The following RNF157 variants were observed in gnomAD, a reference collection of about 807,000 sequenced individuals.
The protein encoded by RNF157 is ring finger protein 157.
In RNF157, 55 loss-of-function variants were observed where a neutral mutation model predicts 88.3. The observed-to-expected ratio is 0.62, with a 90% confidence interval of 0.50 to 0.78. The LOEUF (loss-of-function observed/expected upper bound fraction) is 0.78. Among genes scored for constraint, RNF157 ranks in the 30% least tolerant of loss-of-function variants. RNF157 has a pLI of 0.00. For synonymous variants in RNF157, 334 were observed against 341.2 expected (o/e 0.98, Z 0.23); for missense variants, 788 against 860.8 (o/e 0.92, Z 1.06).
intron 2 of RNF157, among the ~76,000 whole-genome samples, chr17:76,210,807 CCTTT>C (rs904349606): frequency 2.0e-5 from 3 of 151,768 alleles, no homozygotes; most frequent in African/African-American, 7.3e-5. Context: ...CCGCCACCTA[CCTTT>C]CTCTTTTTTT....
At chr17:76,152,158 G>C (rs1170753641) in intron 18 of RNF157, among the ~76,000 whole-genome samples, 197 bp downstream of exon 18, 1 of 152,164 alleles carries the variant, frequency 6.6e-6, no homozygotes, top group Non-Finnish European at 1.5e-5. Context: ...TCAGAGCAAG[G>C]CTGGCTCATT....
intron 2 of RNF157, among the ~76,000 whole-genome samples, chr17:76,211,334 GCACCTCTTCC>G (rs1354513285): frequency 1.3e-5 from 2 of 152,216 alleles, no homozygotes; most frequent in Non-Finnish European, 2.9e-5. Context: ...TCAACTCCCT[GCACCTCTTCC>G]CAGTGTAACA....
At chr17:76,173,811 G>T in intron 2 of RNF157, 21 bp from the exon 3 acceptor site, 1 of 1,459,772 alleles carries the variant, frequency 6.9e-7, no homozygotes, top group Non-Finnish European at 9.3e-7. Flanking sequence ...AACAAAGCAG[G>T]AGAAGGTGGT....
chr17:76,169,968 T>G (rs9891273), intron 3 of RNF157, among the ~76,000 whole-genome samples: 28,952 of 152,170 alleles, frequency 0.19, 2,780 homozygotes, highest in Middle Eastern at 0.26. Context: ...TCTGTGGCTG[T>G]CTGCTTGTAT....
intron 3 of RNF157, among the ~76,000 whole-genome samples, chr17:76,172,838 G>A (rs1289652453): frequency 6.6e-6 from 1 of 151,920 alleles, no homozygotes; most frequent in African/African-American, 2.4e-5. Flanking sequence ...TAGGGGTGGC[G>A]GGCAGTGGGA....
chr17:76,149,045 TCTC>T (rs1269806412), intron 18 of RNF157, among the ~76,000 whole-genome samples: 2 of 152,084 alleles, frequency 1.3e-5, no homozygotes, highest in African/African-American at 4.8e-5. Flanking sequence ...TCAACTGAGA[TCTC>T]CTTCCTTTAT....
intron 2 of RNF157, chr17:76,175,753 T>C: frequency 1.0e-6 from 1 of 985,126 alleles, no homozygotes; most frequent in Non-Finnish European, 1.2e-6. Flanking sequence ...CCTACCTGCA[T>C]TTCAAAAAAA....
intron 12 of RNF157, 105 bp downstream of exon 12, chr17:76,159,230 G>A (rs1336955541): frequency 4.1e-6 from 4 of 963,956 alleles, no homozygotes; most frequent in Non-Finnish European, 6.6e-6. Context: ...ACAGCCCAGA[G>A]GGTTACTCTG....
intron 16 of RNF157, among the ~76,000 whole-genome samples, 178 bp downstream of exon 16, chr17:76,155,074 C>T (rs1568024215): frequency 6.6e-6 from 1 of 152,236 alleles, no homozygotes; most frequent in Non-Finnish European, 1.5e-5. Flanking sequence ...AGTCCACAGG[C>T]CCGGGAGCAG....
chr17:76,145,279 C>T lies in RNF157; in HGVS notation c.1996G>A (p.Asp666Asn). ...RRRLSSSSLE[D>N]SETRPCVWGP... ...CACACACAGGGCCTCGTCTCAGAGTCCTCCAGGCTGCTGGATGACAAGCGC... is the reference window on the plus strand; with the variant it reads ...CACACACAGGGCCTCGTCTCAGAGTTCTCCAGGCTGCTGGATGACAAGCGC... The change falls in exon 19 of 19, where the codon GAC (aspartate) becomes AAC (asparagine). Residue 666 changes from aspartate to asparagine, a missense_variant. Coordinates refer to ENST00000269391, the MANE Select transcript of RNF157 (RefSeq NM_052916.3). 1 of 1,609,622 alleles carries T rather than the reference C, an allele frequency of 6.2e-7. No homozygotes were observed. The highest frequency in any genetic ancestry group is 8.5e-7 in the Non-Finnish European group (1 of 1,178,420).
intron 1 of RNF157, chr17:76,226,408 C>T (rs1277906696): frequency 6.3e-6 from 10 of 1,595,962 alleles, no homozygotes; most frequent in Admixed American, 3.3e-5. Flanking sequence ...TCTGGGGGGG[C>T]ACCTTATTAG....
At chr17:76,155,413 G>A (rs1312843070) in intron 15 of RNF157, 96 bp from the exon 16 acceptor site, 11 of 1,457,340 alleles carry the variant, frequency 7.5e-6, no homozygotes, top group African/African-American at 7.0e-5. Flanking sequence ...CAAATAGGAG[G>A]GTCAGACCTA....
chr17:76,190,889 C>G (rs2069374497), intron 2 of RNF157, among the ~76,000 whole-genome samples: 1 of 150,030 alleles, frequency 6.7e-6, no homozygotes, highest in South Asian at 2.1e-4. Flanking sequence ...GCCTGGGCGA[C>G]AGGGCGAGAC....
In RNF157 at chr17:76,229,746, G is replaced by A. The variant is rs146984404; in HGVS notation, c.88+10407C>T. 5.7e-3 allele frequency among the ~76,000 whole-genome samples: 864 copies of A among 152,326 alleles called. 13 individuals are homozygous for A. The highest frequency in any genetic ancestry group is 0.02 in the African/African-American group (830 of 41,568). ...CTTAATGAGCTACTTAGAATGGAGA[G>A]TGGCACACTAAGGGTACGTATGGGT... On this transcript the variant is annotated intron_variant, in intron 1 of 18. Coordinates refer to ENST00000269391, the MANE Select transcript of RNF157 (RefSeq NM_052916.3).
intron 2 of RNF157, among the ~76,000 whole-genome samples, chr17:76,207,697 G>A (rs2069705252): frequency 6.6e-6 from 1 of 152,158 alleles, no homozygotes; most frequent in South Asian, 2.1e-4. Context: ...TTGCTCCCCT[G>A]TAACCTAACA....
chr17:76,227,522 A>G (rs979335283), intron 1 of RNF157, among the ~76,000 whole-genome samples: 8 of 152,014 alleles, frequency 5.3e-5, no homozygotes, highest in African/African-American at 1.9e-4. Flanking sequence ...TTTTCTTTTC[A>G]TTTTATAGAA....
At chr17:76,227,125 T>G (rs2070105858) in intron 1 of RNF157, among the ~76,000 whole-genome samples, 4 of 151,466 alleles carry the variant, frequency 2.6e-5, no homozygotes, top group South Asian at 4.2e-4. Flanking sequence ...TTGTTTTTTT[T>G]TTTTTTTGAG....
At chr17:76,230,630 G>A (rs2070170031) in intron 1 of RNF157, among the ~76,000 whole-genome samples, 1 of 151,910 alleles carries the variant, frequency 6.6e-6, no homozygotes, top group South Asian at 2.1e-4. Flanking sequence ...ACGAGGTCAG[G>A]AGTTTGAGAC....
chr17:76,166,452 C>T lies in RNF157; in HGVS notation c.628+9G>A, dbSNP rs1214046121. 11 of 1,612,276 alleles carry T rather than the reference C, an allele frequency of 6.8e-6. No homozygotes were observed. Among genetic ancestry groups the T allele is most frequent in the Non-Finnish European group, 8.5e-6 (10 of 1,178,370 alleles). On this transcript the variant is annotated intron_variant, in intron 6 of 18. Coordinates refer to ENST00000269391, the MANE Select transcript of RNF157 (RefSeq NM_052916.3). ...GTGCACAGCCAAAGAGGACAGAAAT[C>T]GCCCCTACCGTCTCCTTCATCCACC...
Sources: allele counts gnomAD v4.1 joint callset (sites outside exome capture counted in the v4.1 genomes callset), GRCh38; gene constraint gnomAD v4.1.1; transcripts MANE v1.5; gene names NCBI Gene and HGNC (gene_info 2026-07-23, HGNC 2026-07-21).